The following GOLGA2 variants were observed in gnomAD, a reference collection of about 807,000 sequenced individuals.
The protein encoded by GOLGA2 is golgin A2.
A neutral mutation model predicts 148.8 loss-of-function variants in GOLGA2; 49 were observed. The ratio of observed to expected loss-of-function variants is 0.33; its 90% CI spans 0.26 to 0.42. The LOEUF (loss-of-function observed/expected upper bound fraction) is 0.42, where lower values mean the gene tolerates loss of function less well. GOLGA2 is among the 10% of genes least tolerant of loss of function. The pLI is 1.00. For missense variants in GOLGA2, 1,178 were observed against 1,304.6 expected (o/e 0.90, Z 1.49); for synonymous variants, 501 against 511.8 (o/e 0.98, Z 0.28).
rs372713435 is a variant in GOLGA2, at chr9:128,258,647, G to A, written c.2174-77C>T. ...GCCCACCTCTGCCCCCACCCTCACT[G>A]TGTAACCCTGGGCCAGCCCCTCCCC... On this transcript the variant is annotated intron_variant, in intron 21 of 26. Transcript: ENST00000611957. The surrounding 1 kb of genome is among the most constrained non-coding windows in gnomAD (Gnocchi z 6.6). The A allele has an allele frequency of 1.9e-6, 2 of 1,052,188 alleles. No homozygotes were observed. The highest frequency in any genetic ancestry group is 2.8e-6 in the Non-Finnish European group (2 of 718,354). The allele number at this position is 1,052,188 out of a possible 1,614,324, so 65.2% of individuals were successfully genotyped here.
intron 8 of GOLGA2, 79 bp downstream of exon 8, chr9:128,267,115 C>A: frequency 9.7e-7 from 1 of 1,032,486 alleles, no homozygotes; most frequent in Non-Finnish European, 1.5e-6. Context: ...GGCCCCCTGC[C>A]CCTTTCTTCA....
At chr9:128,273,117 T>G (rs1023280541) in intron 2 of GOLGA2, among the ~76,000 whole-genome samples, 1 of 152,192 alleles carries the variant, frequency 6.6e-6, no homozygotes, top group African/African-American at 2.4e-5. Context: ...ACCTGACCAA[T>G]GCAGCTCTTA....
rs369915842 is a variant in GOLGA2 at position 128,266,049 on chromosome 9, C to T, written c.682-29G>A. On this transcript the variant is annotated intron_variant, in intron 9 of 26. Transcript: ENST00000611957. The surrounding 1 kb of genome is among the most constrained non-coding windows in gnomAD (Gnocchi z 4.2). ...TAGGAAGAGGAAGACAGAGCTCTTA[C>T]GAGGGGGAGGCAGAGACGGCACAGC... The T allele has an allele frequency of 1.0e-4, 167 of 1,591,204 alleles. No individual in the cohort carries two copies. The highest frequency in any genetic ancestry group is 8.2e-4 in the African/African-American group (61 of 74,432).
Position 128,257,450 on chromosome 9 carries a change from C to T in GOLGA2, c.2794G>A (p.Ala932Thr). Residue 932 changes from alanine to threonine, a missense_variant, in exon 26 of 27, where the codon GCA becomes ACA. By Grantham distance (58) the Ala-to-Thr change is moderately conservative (BLOSUM62 0). Coordinates refer to ENST00000611957, the MANE Select transcript of GOLGA2 (RefSeq NM_001366244.2). This position sits in a 1 kb window ranked among gnomAD's most constrained non-coding sequence, Gnocchi z 8.0. ...TCATCAGCAGGGTTCTGGGCAGCTG[C>T]CAGGAATCTGCCATGCCACTCGTTG... ...DRNEWHGRFL[A>T]AAQNPADEPT... 1.2e-6 allele frequency: 2 copies of T among 1,613,102 alleles called. No individual in the cohort carries two copies. The highest frequency in any genetic ancestry group is 1.7e-6 in the Non-Finnish European group (2 of 1,179,982).
In GOLGA2 at chr9:128,266,171, G is replaced by C. The variant is rs1830584975; in HGVS notation, c.681+116C>G. 8.0e-6 allele frequency: 11 copies of C among 1,371,204 alleles called. 1 individual carries two copies. In the Admixed American group the frequency reaches 1.8e-4, roughly 23 times the overall value. 84.9% of individuals were successfully genotyped at this position (1,371,204 alleles called of 1,614,324 possible). On this transcript the variant is annotated intron_variant, in intron 9 of 26. Transcript: ENST00000611957. The surrounding 1 kb of genome is among the most constrained non-coding windows in gnomAD (Gnocchi z 4.2). Reference sequence around the variant, plus strand: ...CCTGTGGGGATGGGGTGGAATCTGGGGGGGTGAGCCTTCTTCCCCAGGCTG... The same window carrying C: ...CCTGTGGGGATGGGGTGGAATCTGGCGGGGTGAGCCTTCTTCCCCAGGCTG...
In GOLGA2 at chr9:128,273,862, G is replaced by A. The variant is rs1184420509; in HGVS notation, c.195C>T (p.His65=). 7 of 1,614,054 alleles carry A rather than the reference G, an allele frequency of 4.3e-6. No individual in the cohort carries two copies. Among genetic ancestry groups the A allele is most frequent in the Non-Finnish European group, 5.9e-6 (7 of 1,179,976 alleles). The part of the protein sequence containing the change: ...NPETTTSGGC[H]SPEDIQDILK... ...ATCCAAGACTCACATCCTCAGGTGA[G>A]TGGCAACCACCAGAAGTGGTTGTCT... is the stretch of plus-strand genomic sequence containing the variant. The change falls in exon 2 of 27, where the codon CAC becomes CAT. Residue 65 remains histidine, a synonymous_variant. Coordinates refer to ENST00000611957, the MANE Select transcript of GOLGA2 (RefSeq NM_001366244.2).
chr9:128,257,258 C>T lies in GOLGA2; in HGVS notation c.2899G>A (p.Gly967Ser), dbSNP rs140743485. Residue 967 changes from glycine to serine, a missense_variant, in exon 27 of 27, where the codon GGC becomes AGC. By Grantham distance (56) the Gly-to-Ser change is moderately conservative (BLOSUM62 0). This residue lies in a region of GOLGA2 where 149 missense variants were observed against 154.9 expected (regional missense o/e 0.96). Coordinates refer to ENST00000611957, the MANE Select transcript of GOLGA2 (RefSeq NM_001366244.2). This position sits in a 1 kb window ranked among gnomAD's most constrained non-coding sequence, Gnocchi z 8.0. ...QGDLCEVSLA[G>S]SVEPAQGEAR... ...TCTCCTTGGGCAGGCTCCACACTGC[C>T]GGCGAGGCTCACCTCGCAAAGATCT... is the stretch of plus-strand genomic sequence containing the variant. 3.3e-5 allele frequency: 54 copies of T among 1,613,040 alleles called. No homozygotes were observed. Among genetic ancestry groups the T allele is most frequent in the African/African-American group, 2.4e-4 (18 of 74,874 alleles).
At chr9:128,262,808 G>A in intron 13 of GOLGA2, 104 bp from the exon 14 acceptor site, 5 of 1,109,398 alleles carry the variant, frequency 4.5e-6, no homozygotes, top group Non-Finnish European at 6.6e-6. Context: ...CTGTGGCACT[G>A]GAAGGAACCC....
intron 4 of GOLGA2, 56 bp from the exon 5 acceptor site, chr9:128,268,216 G>T: frequency 6.9e-7 from 1 of 1,448,594 alleles, no homozygotes; most frequent in Non-Finnish European, 9.7e-7. Flanking sequence ...GAATCACCCA[G>T]GATGGGGTGA....
Position 128,258,737 on chromosome 9 carries a change from A to G in GOLGA2, c.2174-167T>C. 1.6e-6 allele frequency: 1 copy of G among 628,560 alleles called. No homozygotes were observed. Among genetic ancestry groups the G allele is most frequent in the South Asian group, 2.0e-5 (1 of 49,906 alleles). The allele number at this position is 628,560 out of a possible 1,614,324, so 38.9% of individuals were successfully genotyped here. On this transcript the variant is annotated intron_variant, in intron 21 of 26. Transcript: ENST00000611957. This position sits in a 1 kb window ranked among gnomAD's most constrained non-coding sequence, Gnocchi z 6.6. ...CTTTTTTAAGAGCCAAGGGCTCGCT[A>G]TGCTGCCCAGGTGCAGTCCCACTAC...
chr9:128,256,238 A>G lies in GOLGA2; in HGVS notation c.*829T>C, dbSNP rs1435097790. 1 of 152,336 alleles carries G rather than the reference A, an allele frequency of 6.6e-6. No homozygotes were observed. Among genetic ancestry groups the G allele is most frequent in the Non-Finnish European group, 1.5e-5 (1 of 68,056 alleles). 9.4% of individuals were successfully genotyped at this position (152,336 alleles called of 1,614,324 possible). A position where few individuals can be genotyped will look rare whatever the true frequency, so the allele number is the denominator to read the frequency against. ...CATGAGGCCTCTTCCAAAGAGGCCA[A>G]TTATATGAGCCTCTGGCTATTAAAT... On this transcript the variant is annotated 3_prime_UTR_variant, in exon 27 of 27. Transcript: ENST00000611957.
intron 12 of GOLGA2, among the ~76,000 whole-genome samples, chr9:128,264,173 A>AG (rs1179256605): frequency 6.6e-6 from 1 of 151,028 alleles, no homozygotes; most frequent in African/African-American, 2.4e-5. Flanking sequence ...TCAAAAAAAA[A>AG]GGACTTGGTA....
intron 12 of GOLGA2, 101 bp from the exon 13 acceptor site, chr9:128,263,193 C>T: frequency 1.3e-6 from 1 of 758,350 alleles, no homozygotes; most frequent in Non-Finnish European, 2.4e-6. Flanking sequence ...AACACTTCCT[C>T]ACTCTCAATC....
At position 128,260,672 on chromosome 9, in the gene GOLGA2, A is replaced by G. The variant is rs1830213041; in HGVS notation, c.1551T>C (p.Asn517=). 6.2e-7 allele frequency: 1 copy of G among 1,613,156 alleles called. No individual in the cohort carries two copies. ...AGQLQAQVQD[N]EGLSRLNREQ... The stretch of plus-strand genomic sequence containing the variant: ...CCCGGTTCAGGCGACTCAAGCCCTC[A>G]TTGTCTTGCACCTGGGCTTGAAGCT... The change falls in exon 18 of 27, where the codon AAT becomes AAC. Residue 517 remains asparagine, a synonymous_variant. Transcript: ENST00000611957. The surrounding 1 kb of genome is among the most constrained non-coding windows in gnomAD (Gnocchi z 4.8).
chr9:128,257,241 G>C lies in GOLGA2; in HGVS notation c.2916C>G (p.Ala972=), dbSNP rs528858589. The change falls in exon 27 of 27, where the codon GCC becomes GCG. Residue 972 remains alanine (A), a synonymous_variant. Transcript: ENST00000611957. The surrounding 1 kb of genome is among the most constrained non-coding windows in gnomAD (Gnocchi z 8.0). Reference sequence around the variant, plus strand: ...GAGAACCCTCCCTGGCCTCTCCTTGGGCAGGCTCCACACTGCCGGCGAGGC... The same window carrying C: ...GAGAACCCTCCCTGGCCTCTCCTTGCGCAGGCTCCACACTGCCGGCGAGGC... ...EVSLAGSVEP[A]QGEAREGSPR... is the part of the protein sequence containing the mutation. The C allele has an allele frequency of 1.2e-6, 2 of 1,613,486 alleles. No individual in the cohort carries two copies. The highest frequency in any genetic ancestry group is 2.2e-5 in the South Asian group (2 of 91,040).
chr9:128,267,528 C>G lies in GOLGA2; in HGVS notation c.502-11G>C, dbSNP rs367833728. ...GACACATGTCGCAGACTATAAGAGA[C>G]GAGAGTGCACATGGAGATGTTCTGT... On this transcript the variant is annotated splice_polypyrimidine_tract_variant and intron_variant, in intron 6 of 26. Coordinates refer to ENST00000611957, the MANE Select transcript of GOLGA2 (RefSeq NM_001366244.2). The G allele has an allele frequency of 6.2e-7, 1 of 1,603,764 alleles. No homozygotes were observed. The highest frequency in any genetic ancestry group is 8.5e-7 in the Non-Finnish European group (1 of 1,170,580).
Position 128,257,533 on chromosome 9 carries a change from G to C in GOLGA2, c.2719-8C>G. 1 of 1,614,060 alleles carries C rather than the reference G, an allele frequency of 6.2e-7. No homozygotes were observed. Among genetic ancestry groups the C allele is most frequent in the Non-Finnish European group, 8.5e-7 (1 of 1,180,012 alleles). On this transcript the variant is annotated splice_region_variant and splice_polypyrimidine_tract_variant and intron_variant, in intron 25 of 26. Transcript: ENST00000611957. This position sits in a 1 kb window ranked among gnomAD's most constrained non-coding sequence, Gnocchi z 8.0. The stretch of plus-strand genomic sequence containing the variant: ...CAGCTCCAGCAGCTTCACCTGGAGG[G>C]AGGGGTGCTAAGCTGCCATGCCCAT...
At chr9:128,263,542 T>C (rs911512391) in intron 12 of GOLGA2, among the ~76,000 whole-genome samples, 3 of 152,034 alleles carry the variant, frequency 2.0e-5, no homozygotes, top group Admixed American at 6.5e-5. Flanking sequence ...TTCAGCCTCC[T>C]AAGTAGCTGG....
intron 3 of GOLGA2, 23 bp downstream of exon 3, chr9:128,272,762 G>A (rs1179978322): frequency 9.9e-7 from 1 of 1,008,562 alleles, no homozygotes; most frequent in Non-Finnish European, 1.3e-6. Flanking sequence ...GCAAGCCAGA[G>A]AGGGGTCTCG....
Sources: allele counts gnomAD v4.1 joint callset (sites outside exome capture counted in the v4.1 genomes callset), GRCh38; gene constraint gnomAD v4.1.1; regional missense constraint gnomAD v4.1.1; non-coding constraint Gnocchi (gnomAD v3.1); transcripts MANE v1.5; gene names NCBI Gene and HGNC (gene_info 2026-07-23, HGNC 2026-07-21).